The following MYOM1 variants were observed in gnomAD, a reference collection of about 807,000 sequenced individuals.
MYOM1 encodes the protein myomesin 1.
In MYOM1, 164 loss-of-function variants were observed where a neutral mutation model predicts 205.3. That is an observed-to-expected ratio of 0.80 (90% CI 0.70 to 0.91). MYOM1 has a LOEUF of 0.91. MYOM1 is among the 40% of genes least tolerant of loss of function. The pLI, the probability that MYOM1 is intolerant of heterozygous loss-of-function variation, is 0.00. For missense variants in MYOM1, 2,011 were observed against 2,127.3 expected (o/e 0.95, Z 1.08); for synonymous variants, 772 against 789.4 (o/e 0.98, Z 0.37).
chr18:3,111,646 T>C (rs2143798338), intron 22 of MYOM1, among the ~76,000 whole-genome samples: 1 of 152,320 alleles, frequency 6.6e-6, no homozygotes, highest in South Asian at 2.1e-4. Flanking sequence ...TATACAAGAT[T>C]GAAATTTTAT....
chr18:3,137,986 C>T (rs1322892090), intron 14 of MYOM1, among the ~76,000 whole-genome samples: 1 of 151,886 alleles, frequency 6.6e-6, no homozygotes, highest in African/African-American at 2.4e-5. Context: ...TCTTTTTTTG[C>T]CCAAGTCTTA....
At chr18:3,145,874 ACTT>A (rs1332834514) in intron 13 of MYOM1, among the ~76,000 whole-genome samples, 2 of 152,160 alleles carry the variant, frequency 1.3e-5, no homozygotes, top group African/African-American at 4.8e-5. Flanking sequence ...AAGTTGATAA[ACTT>A]CTAGTCAGGT....
chr18:3,067,231 A>G lies in MYOM1; in HGVS notation c.*31T>C. On this transcript the variant is annotated 3_prime_UTR_variant, in exon 38 of 38. Transcript: ENST00000356443. ...CCCAAACCATTCACACCCAAGTCACACAGGCCGGCTGGCTCTCCTCGCACC... is the reference window on the plus strand; with the variant it reads ...CCCAAACCATTCACACCCAAGTCACGCAGGCCGGCTGGCTCTCCTCGCACC... 6.4e-7 allele frequency: 1 copy of G among 1,554,266 alleles called. No individual in the cohort carries two copies. Among genetic ancestry groups the G allele is most frequent in the Non-Finnish European group, 8.7e-7 (1 of 1,147,556 alleles).
upstream of MYOM1, among the ~76,000 whole-genome samples, chr18:3,223,900 G>C (rs1249568473): frequency 6.6e-6 from 1 of 152,142 alleles, no homozygotes; most frequent in Non-Finnish European, 1.5e-5. Flanking sequence ...GGAGAGGGAG[G>C]GAAGCAGAGC....
rs561252086 is a variant in MYOM1 at position 3,078,690 on chromosome 18, C to T, written c.4648+489G>A. On this transcript the variant is annotated intron_variant, in intron 34 of 37. Coordinates refer to ENST00000356443, the MANE Select transcript of MYOM1 (RefSeq NM_003803.4). ...GCCTCAAGTGATCCTCCCACCTTGG[C>T]CTCCCAAAGTGCTAGGATTAAAGGC... Among the ~76,000 whole-genome samples, 7 of 152,248 alleles carry T rather than the reference C, an allele frequency of 4.6e-5. No homozygotes were observed. The East Asian group carries it at 1.4e-3, about 29-fold the overall frequency.
chr18:3,067,536 T>C lies in MYOM1; in HGVS notation c.4784A>G (p.Asn1595Ser). Residue 1595 changes from asparagine (N) to serine (S), a missense_variant, in exon 38 of 38, where the codon AAC becomes AGC. Physicochemically the swap from Asn to Ser is conservative, Grantham distance 46 (BLOSUM62 1). Transcript: ENST00000356443. Reference sequence around the variant, plus strand: ...CTCCGGAGGCGGGTCTCCCCACACGTTGCAAGTGAGATTAAGGGCCTGCAA... The same window carrying C: ...CTCCGGAGGCGGGTCTCCCCACACGCTGCAAGTGAGATTAAGGGCCTGCAA... The part of the protein sequence containing the change: ...QEGKALNLTC[N>S]VWGDPPPEVS... 2.5e-6 allele frequency: 4 copies of C among 1,613,370 alleles called. No homozygotes were observed. The highest frequency in any genetic ancestry group is 3.4e-6 in the Non-Finnish European group (4 of 1,179,506).
At position 3,129,506 on chromosome 18, in the gene MYOM1, A is replaced by G; in HGVS notation, c.2520T>C (p.Ser840=). The G allele has an allele frequency of 1.2e-6, 2 of 1,611,244 alleles. No individual in the cohort carries two copies. Among genetic ancestry groups the G allele is most frequent in the East Asian group, 4.5e-5 (2 of 44,850 alleles). The change falls in exon 18 of 38, where the codon TCT becomes TCC. Residue 840 remains serine (S), a synonymous_variant. Transcript: ENST00000356443. ...EVKAAIGGGV[S]PDVCPALSDE... The stretch of plus-strand genomic sequence containing the variant: ...CGCTCAGTGCGGGACACACATCTGG[A>G]GACACTCCTCCCCCTACAGTTGCCA...
At chr18:3,162,393 A>G (rs2080404273) in intron 10 of MYOM1, among the ~76,000 whole-genome samples, 1 of 152,048 alleles carries the variant, frequency 6.6e-6, no homozygotes, top group Non-Finnish European at 1.5e-5. Context: ...GAACTAGCCA[A>G]TCCTAACTTG....
Position 3,135,003 on chromosome 18 carries a change from C to T in MYOM1, c.2210-179G>A, listed in dbSNP as rs2079935235. ...TCGCTCTGTCACCCAGGCTGGAGAG[C>T]AGTGGCGGGATCTCGGCTCACTGCA... On this transcript the variant is annotated intron_variant, in intron 15 of 37. Coordinates refer to ENST00000356443, the MANE Select transcript of MYOM1 (RefSeq NM_003803.4). This position sits in a 1 kb window ranked among gnomAD's most constrained non-coding sequence, Gnocchi z 4.1. 4 of 595,798 alleles carry T rather than the reference C, an allele frequency of 6.7e-6. No individual in the cohort carries two copies. The highest frequency in any genetic ancestry group is 4.8e-4 in the Middle Eastern group (1 of 2,070). 36.9% of individuals were successfully genotyped at this position (595,798 alleles called of 1,614,324 possible). A position where few individuals can be genotyped will look rare whatever the true frequency, so the allele number is the denominator to read the frequency against.
At chr18:3,142,910 G>A (rs1238138589) in intron 13 of MYOM1, among the ~76,000 whole-genome samples, 1 of 152,170 alleles carries the variant, frequency 6.6e-6, no homozygotes, top group Non-Finnish European at 1.5e-5. Context: ...GGCAGGGAGG[G>A]AGGAGACTGG....
intron 1 of MYOM1, 128 bp from the exon 2 acceptor site, chr18:3,215,379 G>C: frequency 1.3e-6 from 1 of 767,986 alleles, no homozygotes; most frequent in East Asian, 2.7e-5. Context: ...AAATCCCAAC[G>C]AGGATCTCTC....
At chr18:3,134,591 G>T (rs1437769072) in intron 16 of MYOM1, 59 bp downstream of exon 16, 11 of 1,501,408 alleles carry the variant, frequency 7.3e-6, no homozygotes, top group Non-Finnish European at 9.0e-6. Flanking sequence ...TCTGTGTGCC[G>T]TATGTGTCTA....
chr18:3,147,420 G>A (rs959614518), intron 13 of MYOM1, among the ~76,000 whole-genome samples: 4 of 151,904 alleles, frequency 2.6e-5, no homozygotes, highest in African/African-American at 9.7e-5. Context: ...TAAATCAAAG[G>A]ACTCAATGCT....
At position 3,086,489 on chromosome 18, in the gene MYOM1, A is replaced by G. The variant is rs78214953; in HGVS notation, c.4138-338T>C. On this transcript the variant is annotated intron_variant, in intron 29 of 37. Transcript: ENST00000356443. ...AGAAGTCACAAAACCAAAGGGAGAA[A>G]AATCCCATCAGATTAAAATACAGGC... 1.5e-3 allele frequency among the ~76,000 whole-genome samples: 212 copies of G among 141,482 alleles called. 4 individuals are homozygous for G. The East Asian group carries it at 0.038, about 26-fold the overall frequency. The allele number at this position is 141,482 out of a possible 152,430, so 92.8% of individuals were successfully genotyped here. A position where few individuals can be genotyped will look rare whatever the true frequency, so the allele number is the denominator to read the frequency against.
chr18:3,107,540 CT>C (rs2079467918), intron 22 of MYOM1, among the ~76,000 whole-genome samples: 1 of 152,102 alleles, frequency 6.6e-6, no homozygotes, highest in Non-Finnish European at 1.5e-5. Flanking sequence ...TATATTTCCC[CT>C]ACCTATTTAC....
chr18:3,190,860 GAACTT>G (rs1567959689), intron 3 of MYOM1, among the ~76,000 whole-genome samples: 1 of 152,144 alleles, frequency 6.6e-6, no homozygotes, highest in East Asian at 1.9e-4. Context: ...CCAAGTAAGA[GAACTT>G]TATGTTTAAG....
At chr18:3,185,153 T>C (rs1452101504) in intron 5 of MYOM1, among the ~76,000 whole-genome samples, 1 of 152,248 alleles carries the variant, frequency 6.6e-6, no homozygotes, top group Non-Finnish European at 1.5e-5. Flanking sequence ...GAGCACAATG[T>C]AAGGAGTCTA....
At position 3,188,666 on chromosome 18, in the gene MYOM1, T is replaced by TACACACAC. The variant is rs144550875; in HGVS notation, c.771+74_771+81dup. 21 of 1,114,078 alleles carry TACACACAC rather than the reference T, an allele frequency of 1.9e-5. No individual in the cohort carries two copies. In the East Asian group the frequency reaches 2.4e-4, roughly 13 times the overall value. 69.0% of individuals were successfully genotyped at this position (1,114,078 alleles called of 1,614,324 possible). A position where few individuals can be genotyped will look rare whatever the true frequency, so the allele number is the denominator to read the frequency against. On this transcript the variant is annotated intron_variant, in intron 4 of 37. Transcript: ENST00000356443. ...AAAAAGAAACAAATCAATCTATATC[T>TACACACAC]ACACACACACACACACACACACACA...
chr18:3,113,208 GTATATATATATACACACATGTA>G (rs1411940580), intron 21 of MYOM1, among the ~76,000 whole-genome samples: 2 of 3,856 alleles, frequency 5.2e-4, no homozygotes, highest in African/African-American at 6.9e-4. Context: ...ATACACACAT[GTATATATATATACACACATGTA>G]TATATATATA....
Sources: allele counts gnomAD v4.1 joint callset (sites outside exome capture counted in the v4.1 genomes callset), GRCh38; gene constraint gnomAD v4.1.1; non-coding constraint Gnocchi (gnomAD v3.1); transcripts MANE v1.5; gene names NCBI Gene and HGNC (gene_info 2026-07-23, HGNC 2026-07-21).